Variants in NUP153 observed in about 807,000 individuals in gnomAD.
NUP153 encodes the protein nuclear pore complex protein Nup153.
In NUP153, 27 loss-of-function variants were observed where a neutral mutation model predicts 134.6. The observed-to-expected ratio is 0.20, with a 90% confidence interval of 0.15 to 0.28. The LOEUF (loss-of-function observed/expected upper bound fraction) is 0.28, where lower values mean the gene tolerates loss of function less well. NUP153 is among the 10% of genes least tolerant of loss of function. The pLI is 1.00. For synonymous variants in NUP153, 640 were observed against 623.5 expected (o/e 1.03, Z -0.40); for missense variants, 1,821 against 1,731.3 (o/e 1.05, Z -0.92).
At chr6:17,688,684 C>T in intron 1 of NUP153, 66 bp from the exon 2 acceptor site, 1 of 1,293,700 alleles carries the variant, frequency 7.7e-7, no homozygotes, top group Non-Finnish European at 1.1e-6. Flanking sequence ...AGTACCTACT[C>T]ACTGAAAGCC....
At chr6:17,660,762 A>C (rs1561883188) in intron 11 of NUP153, among the ~76,000 whole-genome samples, 3 of 152,182 alleles carry the variant, frequency 2.0e-5, no homozygotes, top group Non-Finnish European at 2.9e-5. Flanking sequence ...GCAACATCTA[A>C]TACAGCAGAA....
At chr6:17,632,941 G>T in intron 16 of NUP153, 97 bp from the exon 17 acceptor site, 1 of 822,024 alleles carries the variant, frequency 1.2e-6, no homozygotes, top group East Asian at 2.8e-5. Flanking sequence ...AAGTTTAAGT[G>T]TTCAGTTTCT....
chr6:17,692,992 TA>T (rs1184468943), intron 1 of NUP153, among the ~76,000 whole-genome samples: 20 of 152,198 alleles, frequency 1.3e-4, no homozygotes, highest in Admixed American at 1.3e-3. Flanking sequence ...GAAAATATTC[TA>T]AAGTGAATCA....
chr6:17,633,483 C>T (rs1202174394), intron 16 of NUP153, among the ~76,000 whole-genome samples: 2 of 152,130 alleles, frequency 1.3e-5, no homozygotes, highest in African/African-American at 4.8e-5. Context: ...GTTCTGGGGA[C>T]ATTAAAGATG....
At chr6:17,698,436 A>C (rs1308507407) in intron 1 of NUP153, among the ~76,000 whole-genome samples, 1 of 152,122 alleles carries the variant, frequency 6.6e-6, no homozygotes, top group Non-Finnish European at 1.5e-5. Context: ...TACCGAAAAA[A>C]TACAAAAATT....
chr6:17,660,853 A>T (rs1404508827), intron 11 of NUP153, among the ~76,000 whole-genome samples: 1 of 152,204 alleles, frequency 6.6e-6, no homozygotes, highest in Non-Finnish European at 1.5e-5. Flanking sequence ...GTGCAGACAG[A>T]AAAGTGCATA....
chr6:17,698,345 T>A (rs1447295404), intron 1 of NUP153, among the ~76,000 whole-genome samples: 7 of 152,108 alleles, frequency 4.6e-5, no homozygotes, highest in Admixed American at 3.3e-4. Flanking sequence ...GTAATCTCAG[T>A]GCTTTGGAGG....
In NUP153 at chr6:17,647,758, C is replaced by T. The variant is rs1353951141; in HGVS notation, c.1632+49G>A. 3.5e-6 allele frequency: 4 copies of T among 1,140,470 alleles called. No homozygotes were observed. In the African/African-American group the frequency reaches 4.6e-5, roughly 13 times the overall value. 70.6% of individuals were successfully genotyped at this position (1,140,470 alleles called of 1,614,324 possible). ...CATCTTAGATTTGATAAAAATATAA[C>T]ATGGCTTTGAAATCAGTAAATATAT... On this transcript the variant is annotated intron_variant, in intron 13 of 21. Transcript: ENST00000262077.
chr6:17,636,943 T>C (rs1352727909), intron 16 of NUP153, among the ~76,000 whole-genome samples: 2 of 152,218 alleles, frequency 1.3e-5, no homozygotes, highest in Admixed American at 6.5e-5. Context: ...GAGGTCGTCA[T>C]ATATACCAGA....
intron 1 of NUP153, among the ~76,000 whole-genome samples, chr6:17,700,432 C>T (rs993769799): frequency 9.2e-5 from 14 of 152,184 alleles, no homozygotes; most frequent in African/African-American, 2.7e-4. Context: ...ACAATGTTTT[C>T]CTAACAACTA....
rs564629112 is a variant in NUP153, at chr6:17,675,588, T to C, written c.517A>G (p.Thr173Ala). 15 of 1,613,972 alleles carry C rather than the reference T, an allele frequency of 9.3e-6. No individual in the cohort carries two copies. The highest frequency in any genetic ancestry group is 1.3e-5 in the African/African-American group (1 of 75,032). Residue 173 changes from threonine to alanine, a missense_variant, in exon 3 of 22, where the codon ACC (threonine) becomes GCC (alanine). Physicochemically the swap from Thr to Ala is moderately conservative, Grantham distance 58 (BLOSUM62 0). Transcript: ENST00000262077. The surrounding 1 kb of genome is among the most constrained non-coding windows in gnomAD (Gnocchi z 4.4). ...ATGTTATCATCATCATGCTGAGAGGTAGAATCTTTAATTTCCTTTACAAGG... is the reference window on the plus strand; with the variant it reads ...ATGTTATCATCATCATGCTGAGAGGCAGAATCTTTAATTTCCTTTACAAGG... ...FSLVKEIKDS[T>A]SQHDDDNIST...
intron 18 of NUP153, among the ~76,000 whole-genome samples, chr6:17,627,546 A>C (rs960305553): frequency 6.6e-6 from 1 of 151,532 alleles, no homozygotes; most frequent in South Asian, 2.1e-4. Flanking sequence ...CCCAAGCTGG[A>C]GTGCACTGGG....
At chr6:17,668,819 G>C (rs1458767772) in intron 8 of NUP153, among the ~76,000 whole-genome samples, 156 bp downstream of exon 8, 2 of 151,562 alleles carry the variant, frequency 1.3e-5, no homozygotes, top group Non-Finnish European at 2.9e-5. Context: ...CACCAGTCTG[G>C]ATGACAGAGC....
intron 5 of NUP153, among the ~76,000 whole-genome samples, chr6:17,674,324 A>G (rs1349069339): frequency 6.6e-6 from 1 of 152,230 alleles, no homozygotes; most frequent in Non-Finnish European, 1.5e-5. Flanking sequence ...TGTGTAATTT[A>G]TACGTCATTT....
Position 17,632,697 on chromosome 6 carries a change from C to T in NUP153, c.2612G>A (p.Cys871Tyr), listed in dbSNP as rs1765319213. ...LVQNKADSTKCLACESAKPGT... is the reference protein window; with the variant it reads ...LVQNKADSTKYLACESAKPGT... ...TGGCTTTGCACTTTCACATGCCAAA[C>T]ATTTGGTAGAGTCTGCCTTATTCTG... The change falls in exon 17 of 22, where the codon TGT becomes TAT. Residue 871 changes from cysteine to tyrosine, a missense_variant. Cys to Tyr is a radical substitution (Grantham distance 194). Transcript: ENST00000262077. The T allele has an allele frequency of 5.0e-6, 8 of 1,612,746 alleles. No homozygotes were observed. The East Asian group carries it at 1.8e-4, about 36-fold the overall frequency.
chr6:17,615,983 AAAG>A lies in NUP153; in HGVS notation c.*111_*113del. 1.5e-6 allele frequency: 1 copy of A among 665,454 alleles called. No individual in the cohort carries two copies. The highest frequency in any genetic ancestry group is 2.5e-6 in the Non-Finnish European group (1 of 404,764). The allele number at this position is 665,454 out of a possible 1,614,324, so 41.2% of individuals were successfully genotyped here. ...GAGAAAGGAGGAAAATTCCAAAATT[AAAG>A]AAGTCCTTAGGCAGATCTGACTTCA... On this transcript the variant is annotated 3_prime_UTR_variant, in exon 22 of 22. Transcript: ENST00000262077. This position sits in a 1 kb window ranked among gnomAD's most constrained non-coding sequence, Gnocchi z 5.7.
chr6:17,631,494 A>C (rs1005679594), intron 17 of NUP153, among the ~76,000 whole-genome samples: 1 of 152,174 alleles, frequency 6.6e-6, no homozygotes, highest in African/African-American at 2.4e-5. Context: ...ATTTCTCATC[A>C]TCTACCCCCC....
At chr6:17,642,011 C>A (rs1421449666) in intron 14 of NUP153, among the ~76,000 whole-genome samples, 1 of 151,868 alleles carries the variant, frequency 6.6e-6, no homozygotes, top group Non-Finnish European at 1.5e-5. Context: ...TAAGTGTTTG[C>A]CAATTTAAAA....
intron 12 of NUP153, among the ~76,000 whole-genome samples, chr6:17,648,354 C>T (rs1205804467): frequency 6.6e-6 from 1 of 152,118 alleles, no homozygotes; most frequent in East Asian, 1.9e-4. Flanking sequence ...TGGGGGCTCA[C>T]GCTTGTAATC....
Sources: allele counts gnomAD v4.1 joint callset (sites outside exome capture counted in the v4.1 genomes callset), GRCh38; gene constraint gnomAD v4.1.1; non-coding constraint Gnocchi (gnomAD v3.1); transcripts MANE v1.5; gene names NCBI Gene and HGNC (gene_info 2026-07-23, HGNC 2026-07-21).